Variants in COG5 observed in about 807,000 individuals in gnomAD.
COG5 encodes the protein conserved oligomeric Golgi complex subunit 5.
Under a neutral mutation model 110.4 loss-of-function variants are expected in COG5, and 86 were observed. That is an observed-to-expected ratio of 0.78 (90% confidence interval 0.65 to 0.93). The LOEUF (loss-of-function observed/expected upper bound fraction) is 0.93, where lower values mean the gene tolerates loss of function less well. COG5 is among the 40% of genes least tolerant of loss of function. The pLI is 0.00. For missense variants in COG5, 1,077 were observed against 987.0 expected, an observed-to-expected ratio of 1.09 and a Z score of -1.22; for synonymous variants, 360 against 334.6, an observed-to-expected ratio of 1.08 and a Z score of -0.83.
chr7:107,306,134 A>G (rs1807697017), intron 11 of COG5, among the ~76,000 whole-genome samples: 1 of 152,340 alleles, frequency 6.6e-6, no homozygotes, highest in African/African-American at 2.4e-5. Flanking sequence ...ACTGTAAAGT[A>G]TATTAATCCT....
At position 107,437,868 on chromosome 7, in the gene COG5, AT is replaced by A. The variant is rs571740171; in HGVS notation, c.539-25237del. ...AACTAACCAAACTATAATTTTGTTC[AT>A]GGTAATAAGGTGCCCAGCTAAATAA... On this transcript the variant is annotated intron_variant, in intron 6 of 21. Transcript: ENST00000297135. 2.2e-4 allele frequency among the ~76,000 whole-genome samples: 34 copies of A among 152,264 alleles called. No individual in the cohort carries two copies. In the South Asian group the frequency reaches 6.8e-3, roughly 31 times the overall value.
chr7:107,359,309 T>G (rs1196908493), intron 10 of COG5, among the ~76,000 whole-genome samples: 1 of 152,138 alleles, frequency 6.6e-6, no homozygotes, highest in African/African-American at 2.4e-5. Flanking sequence ...GTGTGCAGAC[T>G]CAGGGCAGCA....
chr7:107,437,241 C>T (rs908773527), intron 6 of COG5, among the ~76,000 whole-genome samples: 2 of 152,168 alleles, frequency 1.3e-5, no homozygotes, highest in Non-Finnish European at 2.9e-5. Flanking sequence ...TTTCTGACTA[C>T]GTCACCAAGT....
chr7:107,507,259 A>G (rs1360944738), intron 6 of COG5, among the ~76,000 whole-genome samples: 2 of 151,608 alleles, frequency 1.3e-5, no homozygotes, highest in Admixed American at 6.6e-5. Context: ...ATCAATGAAC[A>G]ATTTTAATAG....
rs1289836014 is a variant in COG5 at position 107,372,699 on chromosome 7, G to GTA, written c.729_730dup (p.Thr244IlefsTer14). Reference sequence around the variant, plus strand: ...ATATCCATCCACAACACTGGTAATAGTATCCTTCAAAGTTCCAAGATTATA... The same window carrying GTA: ...ATATCCATCCACAACACTGGTAATAGTATATCCTTCAAAGTTCCAAGATTATA... On this transcript the variant is annotated frameshift_variant, in exon 8 of 22. Transcript: ENST00000297135. LOFTEE classifies it high-confidence loss of function. The GTA allele has an allele frequency of 1.9e-6, 3 of 1,613,250 alleles. No homozygotes were observed. Among genetic ancestry groups the GTA allele is most frequent in the Non-Finnish European group, 2.5e-6 (3 of 1,179,608 alleles).
At chr7:107,250,954 G>C (rs1429133801) in intron 16 of COG5, among the ~76,000 whole-genome samples, 1 of 151,870 alleles carries the variant, frequency 6.6e-6, no homozygotes, top group African/African-American at 2.4e-5. Flanking sequence ...GAGAGAATGA[G>C]GCAGCAAAAC....
intron 21 of COG5, among the ~76,000 whole-genome samples, chr7:107,207,285 G>A (rs1246456769): frequency 6.6e-6 from 1 of 152,176 alleles, no homozygotes; most frequent in Non-Finnish European, 1.5e-5. Flanking sequence ...ACCAGGAGGA[G>A]AAACATTTCC....
intron 11 of COG5, among the ~76,000 whole-genome samples, chr7:107,309,097 G>A (rs913142917): frequency 4.0e-5 from 6 of 151,140 alleles, no homozygotes; most frequent in Non-Finnish European, 5.9e-5. Context: ...AGGGCTTTTC[G>A]GTGGTCAGAG....
At chr7:107,510,405 T>C (rs2129143475) in intron 6 of COG5, among the ~76,000 whole-genome samples, 1 of 152,306 alleles carries the variant, frequency 6.6e-6, no homozygotes, top group South Asian at 2.1e-4. Context: ...AAGCAAGTCC[T>C]TAGTGACCTA....
In COG5 at chr7:107,312,509, G is replaced by A. The variant is rs192212836; in HGVS notation, c.1108+11931C>T. Among the ~76,000 whole-genome samples, 8 of 152,260 alleles carry A rather than the reference G, an allele frequency of 5.3e-5. No individual in the cohort carries two copies. In the East Asian group the frequency reaches 7.7e-4, roughly 15 times the overall value. The stretch of plus-strand genomic sequence containing the variant: ...TTTGGGTGGGCATGGGGAAAGAGGC[G>A]TCAGGGAACACTTCATTTCTACTCT... On this transcript the variant is annotated intron_variant, in intron 11 of 21. Coordinates refer to ENST00000297135, the MANE Select transcript of COG5 (RefSeq NM_006348.5).
chr7:107,294,032 A>G (rs1477103293), intron 12 of COG5, among the ~76,000 whole-genome samples: 1 of 152,170 alleles, frequency 6.6e-6, no homozygotes, highest in Admixed American at 6.5e-5. Context: ...ATATCACACC[A>G]CTGCACTCCA....
intron 3 of COG5, among the ~76,000 whole-genome samples, chr7:107,552,215 T>A (rs569506356): frequency 6.6e-6 from 1 of 152,218 alleles, no homozygotes; most frequent in Non-Finnish European, 1.5e-5. Flanking sequence ...AAAACTAGCA[T>A]GTTTTCAAGA....
At chr7:107,317,636 A>C (rs1362792097) in intron 11 of COG5, among the ~76,000 whole-genome samples, 1 of 152,242 alleles carries the variant, frequency 6.6e-6, no homozygotes, top group East Asian at 1.9e-4. Context: ...AGCAATATTC[A>C]AAAGGATCAA....
At chr7:107,481,866 C>T (rs1393649365) in intron 6 of COG5, among the ~76,000 whole-genome samples, 1 of 152,118 alleles carries the variant, frequency 6.6e-6, no homozygotes, top group East Asian at 1.9e-4. Context: ...TACTTTCGCA[C>T]TACTTTTATA....
chr7:107,353,142 G>C (rs1360549594), intron 10 of COG5, among the ~76,000 whole-genome samples: 1 of 151,984 alleles, frequency 6.6e-6, no homozygotes, highest in East Asian at 1.9e-4. Flanking sequence ...ACAGAATATA[G>C]TGGCTGGGCG....
At chr7:107,389,554 C>G (rs1358890453) in intron 7 of COG5, among the ~76,000 whole-genome samples, 1 of 152,184 alleles carries the variant, frequency 6.6e-6, no homozygotes, top group Non-Finnish European at 1.5e-5. Context: ...TGCTAAAGGA[C>G]AAAGCTGGGA....
At chr7:107,500,284 C>T (rs1411074187) in intron 6 of COG5, among the ~76,000 whole-genome samples, 1 of 151,910 alleles carries the variant, frequency 6.6e-6, no homozygotes, top group African/African-American at 2.4e-5. Flanking sequence ...GCATTCTCCT[C>T]AAGAAGCGAC....
intron 6 of COG5, among the ~76,000 whole-genome samples, chr7:107,513,729 A>G (rs1336370329): frequency 6.6e-6 from 1 of 152,054 alleles, no homozygotes; most frequent in South Asian, 2.1e-4. Context: ...TAAAAAATGA[A>G]GAGTTCATGT....
At chr7:107,547,676 A>G (rs1161493309) in intron 5 of COG5, among the ~76,000 whole-genome samples, 1 of 152,228 alleles carries the variant, frequency 6.6e-6, no homozygotes, top group Non-Finnish European at 1.5e-5. Flanking sequence ...TGCATACAGT[A>G]AAGTCAGAGG....
Sources: gnomAD v4.1 joint callset for allele counts (sites outside exome capture counted in the v4.1 genomes callset) on GRCh38, gnomAD v4.1.1 for gene constraint, MANE v1.5 for transcripts, NCBI Gene and HGNC (gene_info 2026-07-23, HGNC 2026-07-21) for gene names.